The following ATP10B variants were observed in gnomAD, a reference collection of about 807,000 sequenced individuals.
ATP10B encodes the protein phospholipid-transporting ATPase VB.
Under a neutral mutation model 141.2 loss-of-function variants are expected in ATP10B, and 122 were observed. The ratio of observed to expected loss-of-function variants is 0.86; its 90% CI spans 0.75 to 1.00. The LOEUF (loss-of-function observed/expected upper bound fraction) is 1.00, where lower values mean the gene tolerates loss of function less well. Ranked by LOEUF, ATP10B falls within the 50% of genes least tolerant of loss-of-function variation. The pLI, the probability that ATP10B is intolerant of heterozygous loss-of-function variation, is 0.00. For missense variants in ATP10B, 1,876 were observed against 1,825.3 expected (o/e 1.03, Z -0.51); for synonymous variants, 685 against 692.0 (o/e 0.99, Z 0.16).
rs977640514 is a variant in ATP10B, at chr5:160,592,918, G to A, written c.3565-1779C>T. On this transcript the variant is annotated intron_variant, in intron 22 of 25. Coordinates refer to ENST00000327245, the MANE Select transcript of ATP10B (RefSeq NM_025153.3). ...GGTAAATAAAGCAGCTGGGAAGCTC[G>A]AACTGGGTGGAGCCCACCACAGCTC... Among the ~76,000 whole-genome samples, 8 of 152,350 alleles carry A rather than the reference G, an allele frequency of 5.3e-5. No homozygotes were observed. The East Asian group carries it at 7.7e-4, about 15-fold the overall frequency.
intron 21 of ATP10B, among the ~76,000 whole-genome samples, chr5:160,600,781 G>A (rs10077955): frequency 0.01 from 1,591 of 152,244 alleles, 30 homozygotes; most frequent in African/African-American, 0.035. Flanking sequence ...GCTACAGTGC[G>A]GTAATTAATT....
intron 24 of ATP10B, among the ~76,000 whole-genome samples, chr5:160,578,970 A>T (rs555446873): frequency 6.6e-6 from 1 of 152,210 alleles, no homozygotes; most frequent in Non-Finnish European, 1.5e-5. Context: ...TGTTGGCCAC[A>T]TAAATGTCTT....
intron 24 of ATP10B, among the ~76,000 whole-genome samples, chr5:160,586,811 G>A (rs1439591818): frequency 2.0e-5 from 3 of 151,976 alleles, no homozygotes. Context: ...CCCACTTTTT[G>A]ATGGTGTTTT....
the ATP10B span, among the ~76,000 whole-genome samples, chr5:160,871,284 C>T: frequency 3.3e-5 from 5 of 151,794 alleles, no homozygotes; most frequent in African/African-American, 1.2e-4. Flanking sequence ...AATAATGATA[C>T]AAGGAACAGA....
chr5:160,634,289 G>A lies in ATP10B; in HGVS notation c.1381+65C>T, dbSNP rs183528635. The A allele has an allele frequency of 5.3e-5, 85 of 1,607,808 alleles. No individual in the cohort carries two copies. The East Asian group carries it at 1.0e-3, about 19-fold the overall frequency. ...CCAGGAGAATGTCTTTTATCTCCTC[G>A]TTTCTTAGGAGAGCAGGGTATTTCC... On this transcript the variant is annotated intron_variant, in intron 12 of 25. Coordinates refer to ENST00000327245, the MANE Select transcript of ATP10B (RefSeq NM_025153.3).
chr5:160,650,560 C>T (rs905658131), intron 7 of ATP10B, among the ~76,000 whole-genome samples: 1 of 152,182 alleles, frequency 6.6e-6, no homozygotes, highest in African/African-American at 2.4e-5. Flanking sequence ...TCTAAAGGAA[C>T]TCCCCAAATC....
At chr5:160,927,456 G>A in the ATP10B span, among the ~76,000 whole-genome samples, 1 of 152,160 alleles carries the variant, frequency 6.6e-6, no homozygotes, top group African/African-American at 2.4e-5. Context: ...AAATCCATGT[G>A]ATGCCATTTA....
chr5:160,586,908 G>A (rs1440838465), intron 24 of ATP10B, among the ~76,000 whole-genome samples: 2 of 152,142 alleles, frequency 1.3e-5, no homozygotes, highest in African/African-American at 4.8e-5. Flanking sequence ...CTCCCATTCT[G>A]TAGATTGCCT....
At chr5:160,742,397 A>T (rs1581447595) in intron 2 of ATP10B, among the ~76,000 whole-genome samples, 1 of 152,218 alleles carries the variant, frequency 6.6e-6, no homozygotes, top group East Asian at 1.9e-4. Flanking sequence ...GCCACTTGAA[A>T]AAAAAAAAGG....
intron 2 of ATP10B, among the ~76,000 whole-genome samples, chr5:160,783,560 GAT>G (rs1374280423): frequency 9.0e-5 from 4 of 44,322 alleles, no homozygotes; most frequent in Admixed American, 7.4e-4. Context: ...ATATATATAT[GAT>G]ACACACACAC....
chr5:160,586,184 T>A (rs1462269548), intron 24 of ATP10B, among the ~76,000 whole-genome samples: 1 of 152,166 alleles, frequency 6.6e-6, no homozygotes, highest in African/African-American at 2.4e-5. Context: ...TGTGTCCATG[T>A]GTTCTCATTG....
At chr5:160,890,770 A>G in the ATP10B span, among the ~76,000 whole-genome samples, 3 of 151,924 alleles carry the variant, frequency 2.0e-5, no homozygotes, top group African/African-American at 7.3e-5. Context: ...GCTGTAGTGC[A>G]GTGGCACAAT....
At chr5:160,580,702 T>A (rs1334625058) in intron 24 of ATP10B, among the ~76,000 whole-genome samples, 1 of 152,242 alleles carries the variant, frequency 6.6e-6, no homozygotes, top group East Asian at 1.9e-4. Context: ...TCCCTCTTTT[T>A]TTATTGTTTG....
intron 1 of ATP10B, among the ~76,000 whole-genome samples, chr5:160,820,909 T>C (rs567355881): frequency 6.6e-6 from 1 of 152,076 alleles, no homozygotes; most frequent in Non-Finnish European, 1.5e-5. Flanking sequence ...ATAAAAGCCA[T>C]GTATGGCAGA....
upstream of ATP10B, among the ~76,000 whole-genome samples, chr5:160,853,076 G>A (rs1328274463): frequency 6.6e-6 from 1 of 152,114 alleles, no homozygotes; most frequent in Non-Finnish European, 1.5e-5. Context: ...ATGGACATAG[G>A]AAACATTTTA....
intron 13 of ATP10B, among the ~76,000 whole-genome samples, chr5:160,624,015 T>C (rs140310172): frequency 4.7e-4 from 72 of 152,338 alleles, no homozygotes; most frequent in African/African-American, 1.6e-3. Context: ...AATGGTTAGA[T>C]ATGACAAAAG....
chr5:160,798,084 A>T (rs1258212730), intron 1 of ATP10B, among the ~76,000 whole-genome samples: 3 of 152,076 alleles, frequency 2.0e-5, no homozygotes, highest in African/African-American at 7.2e-5. Context: ...AAGGGTGAGA[A>T]GGATCCAGTC....
At chr5:160,887,974 A>G in the ATP10B span, among the ~76,000 whole-genome samples, 4 of 152,264 alleles carry the variant, frequency 2.6e-5, no homozygotes, top group African/African-American at 9.6e-5. Context: ...GTTCACTGCA[A>G]AAATCCCAGG....
the ATP10B span, among the ~76,000 whole-genome samples, chr5:160,923,939 G>A: frequency 3.0e-4 from 45 of 152,316 alleles, 1 homozygote; most frequent in Middle Eastern, 6.8e-3. Context: ...GGGCTGAGGC[G>A]CCTTGGAGAG....
Sources: gnomAD v4.1 joint callset for allele counts (sites outside exome capture counted in the v4.1 genomes callset) on GRCh38, gnomAD v4.1.1 for gene constraint, MANE v1.5 for transcripts, NCBI Gene and HGNC (gene_info 2026-07-23, HGNC 2026-07-21) for gene names.